MED15: variants seen among roughly 807,000 people sequenced by gnomAD.
MED15 encodes mediator complex subunit 15, also known as mediator of RNA polymerase II transcription subunit 15.
A neutral mutation model predicts 118.7 loss-of-function variants in MED15; 41 were observed. The ratio of observed to expected loss-of-function variants is 0.35; its 90% CI spans 0.27 to 0.45. The LOEUF (loss-of-function observed/expected upper bound fraction) is 0.45. MED15 is among the 20% of genes least tolerant of loss of function. MED15 has a pLI of 1.00. For synonymous variants in MED15, 436 were observed against 413.9 expected (o/e 1.05, Z -0.65); for missense variants, 740 against 1,025.5 (o/e 0.72, Z 3.80).
At chr22:20,529,469 G>A (rs539573217) in intron 1 of MED15, among the ~76,000 whole-genome samples, 2 of 152,244 alleles carry the variant, frequency 1.3e-5, no homozygotes, top group Non-Finnish European at 2.9e-5. Context: ...TTGTCACCCA[G>A]GCTGGAGTGC....
At position 20,512,542 on chromosome 22, in the gene MED15, T is replaced by C. The variant is rs181294611; in HGVS notation, c.68+4796T>C. Among the ~76,000 whole-genome samples the C allele has an allele frequency of 1.6e-3, 237 of 151,892 alleles. 1 individual carries two copies. Among genetic ancestry groups the C allele is most frequent in the Non-Finnish European group, 1.3e-3 (89 of 67,964 alleles). On this transcript the variant is annotated intron_variant, in intron 1 of 17. Transcript: ENST00000263205. The stretch of plus-strand genomic sequence containing the variant: ...TGGTACCTGGTATACAAAACACTTG[T>C]TGAGGAGTGGAATAGTATTTTCTTG...
chr22:20,573,730 T>G (rs868190523), intron 8 of MED15: 1 of 152,332 alleles, frequency 6.6e-6, no homozygotes, highest in Middle Eastern at 3.4e-3. Context: ...TTTTGTTTGT[T>G]TTTCTCTTCC....
intron 2 of MED15, chr22:20,551,165 C>G (rs1337148980): frequency 4.8e-6 from 3 of 629,238 alleles, no homozygotes; most frequent in Non-Finnish European, 6.1e-6. Flanking sequence ...CCAGCTCTCT[C>G]AGCTGAGTGC....
rs61279859 is a variant in MED15 at position 20,543,111 on chromosome 22, T to TTGTGTGTG, written c.156+5941_156+5948dup. Among the ~76,000 whole-genome samples, 896 of 141,222 alleles carry TTGTGTGTG rather than the reference T, an allele frequency of 6.3e-3. 6 individuals carry two copies. Among genetic ancestry groups the TTGTGTGTG allele is most frequent in the East Asian group, 0.035 (165 of 4,692 alleles). The allele number at this position is 141,222 out of a possible 152,430, so 92.6% of individuals were successfully genotyped here. ...TCTTCCCTCAATTTCTCTCTCTTCT[T>TTGTGTGTG]TGTGTGTGTGTGTGTGTGTGTGTGT... On this transcript the variant is annotated intron_variant, in intron 2 of 17. Transcript: ENST00000263205.
chr22:20,520,197 G>A (rs2054397188), intron 1 of MED15, among the ~76,000 whole-genome samples: 1 of 152,202 alleles, frequency 6.6e-6, no homozygotes, highest in South Asian at 2.1e-4. Context: ...GGTGGGCTCT[G>A]GGGGCTGGGT....
At chr22:20,581,503 C>G (rs2056980751) in intron 9 of MED15, among the ~76,000 whole-genome samples, 1 of 152,160 alleles carries the variant, frequency 6.6e-6, no homozygotes, top group African/African-American at 2.4e-5. Context: ...AATGGATGGT[C>G]CAGGGGCCTG....
At chr22:20,568,761 T>G in intron 8 of MED15, 130 bp downstream of exon 8, 1 of 1,436,318 alleles carries the variant, frequency 7.0e-7, no homozygotes, top group African/African-American at 1.4e-5. Context: ...GGGGCTTCTC[T>G]CCCCCTTGCA....
intron 2 of MED15, among the ~76,000 whole-genome samples, chr22:20,540,460 C>T (rs1355156546): frequency 6.6e-6 from 1 of 152,006 alleles, no homozygotes; most frequent in African/African-American, 2.4e-5. Flanking sequence ...TGTAGTCCTG[C>T]CTAATCGACA....
chr22:20,541,848 C>T (rs1380279647), intron 2 of MED15, among the ~76,000 whole-genome samples: 1 of 152,150 alleles, frequency 6.6e-6, no homozygotes, highest in Non-Finnish European at 1.5e-5. Context: ...CAGGGTTTCA[C>T]CATGTTGGCC....
chr22:20,586,806 G>A lies in MED15; in HGVS notation c.*102G>A. The A allele has an allele frequency of 6.7e-7, 1 of 1,493,476 alleles. No homozygotes were observed. Among genetic ancestry groups the A allele is most frequent in the East Asian group, 2.3e-5 (1 of 42,568 alleles). 92.5% of individuals were successfully genotyped at this position (1,493,476 alleles called of 1,614,324 possible). On this transcript the variant is annotated 3_prime_UTR_variant, in exon 18 of 18. Transcript: ENST00000263205. ...GCTTCCTTAGAGAGCCTGGGGTTAG[G>A]TTAGCTTTCCTGCTTTTATCTTCTG... is the stretch of plus-strand genomic sequence containing the variant.
intron 1 of MED15, among the ~76,000 whole-genome samples, chr22:20,511,424 C>T (rs756368281): frequency 2.7e-5 from 4 of 150,822 alleles, no homozygotes; most frequent in Admixed American, 2.0e-4. Context: ...CCTGGGAGGT[C>T]GAGGCTGCAG....
chr22:20,530,389 A>C (rs1034285314), intron 1 of MED15, among the ~76,000 whole-genome samples: 1 of 152,244 alleles, frequency 6.6e-6, no homozygotes, highest in Non-Finnish European at 1.5e-5. Flanking sequence ...CGAGCAGAAC[A>C]TAAATCGGCT....
intron 14 of MED15, 124 bp downstream of exon 14, chr22:20,584,549 GC>G: frequency 8.7e-7 from 1 of 1,153,452 alleles, no homozygotes; most frequent in Non-Finnish European, 1.3e-6. Context: ...CTTGGACCCT[GC>G]CCACGAGGCT....
At chr22:20,523,435 T>C (rs1438062294) in intron 1 of MED15, among the ~76,000 whole-genome samples, 3 of 152,106 alleles carry the variant, frequency 2.0e-5, no homozygotes, top group African/African-American at 7.2e-5. Flanking sequence ...CCCAACTACT[T>C]TGAGAGTTAG....
intron 1 of MED15, among the ~76,000 whole-genome samples, chr22:20,529,528 G>A (rs1232478199): frequency 6.6e-6 from 1 of 152,166 alleles, no homozygotes; most frequent in African/African-American, 2.4e-5. Flanking sequence ...AGGTTCAAGT[G>A]ATTCTCCTGC....
chr22:20,584,293 T>G, intron 13 of MED15, 66 bp from the exon 14 acceptor site: 1 of 1,525,192 alleles, frequency 6.6e-7, no homozygotes, highest in Non-Finnish European at 9.1e-7. Context: ...TGGCAGTAGT[T>G]GGGATCCTGA....
intron 3 of MED15, chr22:20,552,854 A>G: frequency 2.5e-6 from 1 of 397,418 alleles, no homozygotes; most frequent in African/African-American, 2.0e-5. Context: ...CCTGGGAAAA[A>G]GGAAAGCCAG....
rs571545008 is a variant in MED15 at position 20,583,376 on chromosome 22, G to A, written c.1719G>A (p.Leu573=). The change falls in exon 13 of 18, where the codon CTG becomes CTA. Residue 573 remains leucine, a synonymous_variant. Coordinates refer to ENST00000263205, the MANE Select transcript of MED15 (RefSeq NM_001003891.3). ...AGATGAAGAGCCTTCTGGACATTCT[G>A]ACAGACCCCTCGAAGCGGTGAGCTT... ...LSKMKSLLDI[L]TDPSKRCPLK... The A allele has an allele frequency of 6.2e-7, 1 of 1,612,024 alleles. No homozygotes were observed. The highest frequency in any genetic ancestry group is 8.5e-7 in the Non-Finnish European group (1 of 1,180,032).
intron 1 of MED15, among the ~76,000 whole-genome samples, chr22:20,516,633 T>C (rs1485788727): frequency 6.6e-6 from 1 of 152,014 alleles, no homozygotes; most frequent in Non-Finnish European, 1.5e-5. Context: ...CTGTGGCCAG[T>C]CAAGGACCCA....
Sources: gnomAD v4.1 joint callset for allele counts (sites outside exome capture counted in the v4.1 genomes callset) on GRCh38, gnomAD v4.1.1 for gene constraint, MANE v1.5 for transcripts, NCBI Gene and HGNC (gene_info 2026-07-23, HGNC 2026-07-21) for gene names.